Variants in ZDHHC2 observed in about 807,000 individuals in gnomAD.
ZDHHC2 encodes the protein zDHHC palmitoyltransferase 2, also known as palmitoyltransferase ZDHHC2.
In ZDHHC2, 51 loss-of-function variants were observed where a neutral mutation model predicts 55.6. That is an observed-to-expected ratio of 0.92 (90% CI 0.73 to 1.16). ZDHHC2 has a LOEUF of 1.16. ZDHHC2 is among the 50% of genes most tolerant of loss of function. The pLI is 0.00. For missense variants in ZDHHC2, 491 were observed against 442.4 expected (o/e 1.11, Z -0.99); for synonymous variants, 199 against 152.9 (o/e 1.30, Z -2.22).
chr8:17,195,404 A>C, intron 3 of ZDHHC2, 100 bp from the exon 4 acceptor site: 1 of 1,341,796 alleles, frequency 7.5e-7, no homozygotes, highest in Non-Finnish European at 1.0e-6. Context: ...ACAATATACC[A>C]TTAATATTTT....
At chr8:17,197,801 C>A in intron 5 of ZDHHC2, 150 bp downstream of exon 5, 1 of 812,348 alleles carries the variant, frequency 1.2e-6, no homozygotes, top group Non-Finnish European at 1.9e-6. Context: ...AACCCGCTGG[C>A]ATTCATACCA....
intron 3 of ZDHHC2, among the ~76,000 whole-genome samples, chr8:17,195,241 T>A (rs1806246679): frequency 6.6e-6 from 1 of 152,226 alleles, no homozygotes; most frequent in Non-Finnish European, 1.5e-5. Context: ...TTTTATGTAC[T>A]CTGTTCCTTT....
chr8:17,203,651 T>G (rs951061469), intron 6 of ZDHHC2, among the ~76,000 whole-genome samples: 1 of 152,136 alleles, frequency 6.6e-6, no homozygotes, highest in African/African-American at 2.4e-5. Context: ...ACAGTTAGAT[T>G]AGGCTGTTTC....
chr8:17,158,361 G>A (rs141489080), intron 1 of ZDHHC2, among the ~76,000 whole-genome samples: 337 of 152,284 alleles, frequency 2.2e-3, no homozygotes, highest in Non-Finnish European at 3.3e-3. Flanking sequence ...AACCTGCAAA[G>A]AAGGGACATC....
intron 1 of ZDHHC2, among the ~76,000 whole-genome samples, chr8:17,180,516 G>A (rs370616462): frequency 6.6e-6 from 1 of 151,948 alleles, no homozygotes; most frequent in African/African-American, 2.4e-5. Context: ...TCCTTGTTTA[G>A]CCCCCTTTCC....
intron 3 of ZDHHC2, among the ~76,000 whole-genome samples, chr8:17,194,170 A>T (rs1242284198): frequency 2.0e-5 from 3 of 152,116 alleles, no homozygotes; most frequent in Non-Finnish European, 4.4e-5. Flanking sequence ...TCTATCATTG[A>T]TGGGCATTTG....
intron 1 of ZDHHC2, among the ~76,000 whole-genome samples, chr8:17,169,094 G>A (rs1804736157): frequency 6.6e-6 from 1 of 152,114 alleles, no homozygotes; most frequent in African/African-American, 2.4e-5. Context: ...ATTTTTTGAG[G>A]ACACCATACG....
chr8:17,193,989 C>T (rs1257410255), intron 3 of ZDHHC2, among the ~76,000 whole-genome samples: 3 of 152,190 alleles, frequency 2.0e-5, no homozygotes, highest in African/African-American at 4.8e-5. Context: ...CACTGTTCCA[C>T]TCCCACTTAT....
At position 17,195,812 on chromosome 8, in the gene ZDHHC2, T is replaced by G. The variant is rs145777726; in HGVS notation, c.373+188T>G. 5.9e-5 allele frequency among the ~76,000 whole-genome samples: 9 copies of G among 152,296 alleles called. No individual in the cohort carries two copies. The East Asian group carries it at 1.7e-3, about 29-fold the overall frequency. On this transcript the variant is annotated intron_variant, in intron 4 of 12. Transcript: ENST00000262096. Reference sequence around the variant, plus strand: ...CAGAATGGAAACACGAATAGCACTGTGGCACAGAGATCGCAAGGAAATCAG... The same window carrying G: ...CAGAATGGAAACACGAATAGCACTGGGGCACAGAGATCGCAAGGAAATCAG...
chr8:17,173,692 A>AG (rs397760049), intron 1 of ZDHHC2, among the ~76,000 whole-genome samples: 2 of 150,490 alleles, frequency 1.3e-5, no homozygotes, highest in African/African-American at 2.4e-5. Flanking sequence ...AAAAAAAAAA[A>AG]GAAAGAAAGA....
intron 4 of ZDHHC2, among the ~76,000 whole-genome samples, chr8:17,196,886 A>C (rs1277457283): frequency 6.6e-6 from 1 of 151,864 alleles, no homozygotes; most frequent in Non-Finnish European, 1.5e-5. Context: ...ACTCCAGCCT[A>C]GGTGACAGTG....
At chr8:17,187,781 C>A (rs1381292495) in intron 3 of ZDHHC2, among the ~76,000 whole-genome samples, 1 of 152,220 alleles carries the variant, frequency 6.6e-6, no homozygotes, top group East Asian at 1.9e-4. Flanking sequence ...TTGATAACTC[C>A]CAAATCTGTT....
At chr8:17,168,875 T>C (rs1005390269) in intron 1 of ZDHHC2, among the ~76,000 whole-genome samples, 1 of 152,248 alleles carries the variant, frequency 6.6e-6, no homozygotes, top group African/African-American at 2.4e-5. Flanking sequence ...ATTTCATTTT[T>C]TCAAAGGCTG....
intron 10 of ZDHHC2, among the ~76,000 whole-genome samples, chr8:17,213,972 T>G (rs976194771): frequency 2.0e-5 from 3 of 152,138 alleles, no homozygotes; most frequent in African/African-American, 4.8e-5. Context: ...ATTCTAAAAT[T>G]TTAGATATGA....
At chr8:17,209,880 T>G in intron 8 of ZDHHC2, 52 bp from the exon 9 acceptor site, 1 of 1,526,764 alleles carries the variant, frequency 6.5e-7, no homozygotes, top group Non-Finnish European at 8.8e-7. Flanking sequence ...TATTCAGGAT[T>G]GCTAGTAAAT....
intron 3 of ZDHHC2, among the ~76,000 whole-genome samples, chr8:17,191,807 CT>C (rs1806044501): frequency 6.6e-6 from 1 of 152,094 alleles, no homozygotes; most frequent in African/African-American, 2.4e-5. Flanking sequence ...CTTTAACATA[CT>C]TGTTTCCTTT....
intron 6 of ZDHHC2, among the ~76,000 whole-genome samples, chr8:17,199,194 G>A (rs991769965): frequency 6.6e-6 from 1 of 152,174 alleles, no homozygotes; most frequent in Non-Finnish European, 1.5e-5. Context: ...TTTCTTAGCA[G>A]CAGGAAAGAT....
intron 1 of ZDHHC2, among the ~76,000 whole-genome samples, chr8:17,171,836 C>G (rs1357542175): frequency 6.6e-6 from 1 of 151,320 alleles, no homozygotes; most frequent in African/African-American, 2.4e-5. Context: ...TTTACTAACC[C>G]TGTTTTTAGA....
At chr8:17,215,957 A>G (rs1807626312) in intron 11 of ZDHHC2, among the ~76,000 whole-genome samples, 1 of 152,208 alleles carries the variant, frequency 6.6e-6, no homozygotes, top group Non-Finnish European at 1.5e-5. Flanking sequence ...AGGGTGTGAT[A>G]TGTGTCACGT....
Sources: gnomAD v4.1 joint callset for allele counts (sites outside exome capture counted in the v4.1 genomes callset) on GRCh38, gnomAD v4.1.1 for gene constraint, MANE v1.5 for transcripts, NCBI Gene and HGNC (gene_info 2026-07-23, HGNC 2026-07-21) for gene names.